Variants in CPM observed in about 807,000 individuals in gnomAD.
The protein encoded by CPM is renal carboxypeptidase.
CPM carries 35 observed loss-of-function variants against 46.4 expected under a neutral mutation model. The observed-to-expected ratio is 0.75, with a 90% CI of 0.58 to 1.00. The LOEUF (loss-of-function observed/expected upper bound fraction) is 1.00. Among genes scored for constraint, CPM ranks in the 50% least tolerant of loss-of-function variants. The pLI, the probability that CPM is intolerant of heterozygous loss-of-function variation, is 0.00. For missense variants in CPM, 422 were observed against 530.4 expected (o/e 0.80, Z 2.01); for synonymous variants, 195 against 195.3 (o/e 1.00, Z 0.01).
At chr12:68,882,539 G>C (rs941773868) in intron 3 of CPM, among the ~76,000 whole-genome samples, 1 of 152,130 alleles carries the variant, frequency 6.6e-6, no homozygotes, top group Non-Finnish European at 1.5e-5. Flanking sequence ...ACGTGTGAAT[G>C]TGTCTTTATG....
chr12:68,918,027 T>G (rs901051261), intron 2 of CPM, among the ~76,000 whole-genome samples: 1 of 152,204 alleles, frequency 6.6e-6, no homozygotes, highest in African/African-American at 2.4e-5. Flanking sequence ...CTGTAATAAA[T>G]CTTAGCCTTG....
At chr12:68,887,506 G>T (rs978336377) in intron 2 of CPM, among the ~76,000 whole-genome samples, 6 of 152,248 alleles carry the variant, frequency 3.9e-5, no homozygotes, top group African/African-American at 1.4e-4. Flanking sequence ...TTTGTCATAA[G>T]GTGATGCTTT....
intron 8 of CPM, among the ~76,000 whole-genome samples, chr12:68,857,296 G>A (rs1885022219): frequency 6.6e-6 from 1 of 151,944 alleles, no homozygotes; most frequent in South Asian, 2.1e-4. Flanking sequence ...AAGTAGCTGG[G>A]ATTACAGGTG....
chr12:68,842,394 C>T (rs1373275196), intron 5 of CPM: 4 of 492,048 alleles, frequency 8.1e-6, no homozygotes, highest in African/African-American at 5.8e-5. Context: ...CTAAAAATCT[C>T]ATTATCTATA....
At chr12:68,906,579 T>C (rs1178743137) in intron 2 of CPM, among the ~76,000 whole-genome samples, 1 of 152,096 alleles carries the variant, frequency 6.6e-6, no homozygotes, top group Non-Finnish European at 1.5e-5. Context: ...AGCCTCTGCC[T>C]CCTGGGTTCA....
chr12:68,893,086 T>A (rs540335821), intron 2 of CPM, among the ~76,000 whole-genome samples: 1 of 150,626 alleles, frequency 6.6e-6, no homozygotes, highest in African/African-American at 2.4e-5. Flanking sequence ...TATACCTATG[T>A]AACGAACCTG....
chr12:68,914,068 G>A, intron 2 of CPM: 1 of 636,268 alleles, frequency 1.6e-6, no homozygotes, highest in Admixed American at 2.1e-5. Flanking sequence ...GCTATAAACA[G>A]GCTTGGAATC....
chr12:68,889,887 A>G (rs1053660225), intron 2 of CPM, among the ~76,000 whole-genome samples: 19 of 152,176 alleles, frequency 1.2e-4, no homozygotes, highest in African/African-American at 4.3e-4. Context: ...GGACGAAGAC[A>G]TGTACCCCTG....
chr12:68,844,547 A>G, intron 5 of CPM: 1 of 227,816 alleles, frequency 4.4e-6, no homozygotes, highest in East Asian at 6.3e-5. Context: ...TGTCAGCGTG[A>G]AAAGTAAGAT....
intron 2 of CPM, among the ~76,000 whole-genome samples, chr12:68,903,199 T>C (rs956906417): frequency 3.3e-5 from 5 of 152,262 alleles, no homozygotes; most frequent in Non-Finnish European, 4.4e-5. Context: ...TCTCAAGCTG[T>C]GCATTTACAG....
intron 2 of CPM, among the ~76,000 whole-genome samples, chr12:68,903,988 G>A (rs1190521231): frequency 6.6e-6 from 1 of 151,992 alleles, no homozygotes; most frequent in East Asian, 1.9e-4. Flanking sequence ...CTGGGCTCAG[G>A]TGATCCTCCC....
At chr12:68,871,727 G>C (rs1230046949) in intron 4 of CPM, 57 bp downstream of exon 4, 1 of 1,586,006 alleles carries the variant, frequency 6.3e-7, no homozygotes. Context: ...ACAGGTGCCT[G>C]TCGGGAGCCT....
Position 68,898,519 on chromosome 12 carries a change from G to A in CPM, c.161-12630C>T, listed in dbSNP as rs193053320. Among the ~76,000 whole-genome samples, 191 of 152,252 alleles carry A rather than the reference G, an allele frequency of 1.3e-3. 1 individual carries two copies. Among genetic ancestry groups the A allele is most frequent in the African/African-American group, 3.8e-3 (159 of 41,548 alleles). Reference sequence around the variant, plus strand: ...GTTACCAAAATTAGGTTCCCTAACCGGAACATTTGGTGGATTAACAAAGGT... The same window carrying A: ...GTTACCAAAATTAGGTTCCCTAACCAGAACATTTGGTGGATTAACAAAGGT... On this transcript the variant is annotated intron_variant, in intron 2 of 8. Transcript: ENST00000551568.
downstream of CPM, chr12:68,846,832 GAC>G (rs983354778): frequency 1.3e-5 from 2 of 151,806 alleles, no homozygotes; most frequent in African/African-American, 2.4e-5. Context: ...TGACCTTAGA[GAC>G]AATAAATCTA....
At position 68,872,315 on chromosome 12, in the gene CPM, C is replaced by T. The variant is rs111824593; in HGVS notation, c.259-359G>A. Among the ~76,000 whole-genome samples the T allele has an allele frequency of 4.7e-3, 671 of 144,248 alleles. 2 individuals carry two copies. Among genetic ancestry groups the T allele is most frequent in the African/African-American group, 0.016 (632 of 38,704 alleles). The allele number at this position is 144,248 out of a possible 152,430, so 94.6% of individuals were successfully genotyped here. On this transcript the variant is annotated intron_variant, in intron 3 of 8. Transcript: ENST00000551568. ...TCACCCAGGCTGGAGTGCATTGGCGCGATCTTGGCTCATTGCAACCTCCGC... is the reference window on the plus strand; with the variant it reads ...TCACCCAGGCTGGAGTGCATTGGCGTGATCTTGGCTCATTGCAACCTCCGC...
chr12:68,891,193 C>T (rs1886641256), intron 2 of CPM, among the ~76,000 whole-genome samples: 1 of 152,244 alleles, frequency 6.6e-6, no homozygotes, highest in African/African-American at 2.4e-5. Flanking sequence ...TATGCACATT[C>T]CCACTATACC....
At chr12:68,887,160 C>T (rs748724463) in intron 2 of CPM, among the ~76,000 whole-genome samples, 8 of 152,148 alleles carry the variant, frequency 5.3e-5, no homozygotes, top group Non-Finnish European at 1.0e-4. Flanking sequence ...GTAAAAATGA[C>T]GAAGTCCCTT....
chr12:68,936,488 A>T (rs1315112825), upstream of CPM, among the ~76,000 whole-genome samples: 2 of 152,086 alleles, frequency 1.3e-5, no homozygotes, highest in East Asian at 3.9e-4. Flanking sequence ...GGTTCAAGCA[A>T]TTCTCCTTCC....
chr12:68,860,318 T>G (rs1035054640), intron 7 of CPM, among the ~76,000 whole-genome samples: 1 of 152,162 alleles, frequency 6.6e-6, no homozygotes, highest in Non-Finnish European at 1.5e-5. Context: ...TAAACACAGT[T>G]CCATTTATAT....
Sources: gnomAD v4.1 joint callset for allele counts (sites outside exome capture counted in the v4.1 genomes callset) on GRCh38, gnomAD v4.1.1 for gene constraint, MANE v1.5 for transcripts, NCBI Gene and HGNC (gene_info 2026-07-23, HGNC 2026-07-21) for gene names.